ZNF248: variants seen among roughly 807,000 people sequenced by gnomAD.
The protein encoded by ZNF248 is zinc finger protein 248, also known as KRAB protein domain.
Under a neutral mutation model 44.3 loss-of-function variants are expected in ZNF248, and 20 were observed. The observed-to-expected ratio is 0.45, with a 90% CI of 0.32 to 0.66. ZNF248 has a LOEUF of 0.66. Among genes scored for constraint, ZNF248 ranks in the 30% least tolerant of loss-of-function variants. ZNF248 has a pLI of 0.04. For synonymous variants in ZNF248, 224 were observed against 229.0 expected (o/e 0.98, Z 0.20); for missense variants, 654 against 677.0 (o/e 0.97, Z 0.38).
chr10:37,849,300 G>A (rs1033054905), intron 3 of ZNF248, among the ~76,000 whole-genome samples: 3 of 149,982 alleles, frequency 2.0e-5, no homozygotes, highest in Non-Finnish European at 4.4e-5. Context: ...GTGAGATCCT[G>A]TCTTTAAAGA....
chr10:37,792,296 C>G (rs2048653729), intron 6 of ZNF248, among the ~76,000 whole-genome samples: 1 of 152,066 alleles, frequency 6.6e-6, no homozygotes, highest in Non-Finnish European at 1.5e-5. Flanking sequence ...GTGGCCAAAG[C>G]TGAAACAAAC....
chr10:37,817,890 T>C (rs1478977773), intron 6 of ZNF248, among the ~76,000 whole-genome samples: 1 of 151,986 alleles, frequency 6.6e-6, no homozygotes, highest in East Asian at 1.9e-4. Flanking sequence ...TAGCCTAGTC[T>C]GTATTTTCTT....
intron 3 of ZNF248, among the ~76,000 whole-genome samples, chr10:37,851,567 GT>G (rs2060226696): frequency 6.6e-6 from 1 of 151,590 alleles, no homozygotes; most frequent in Admixed American, 6.6e-5. Flanking sequence ...AAACATACTT[GT>G]TAATAAACTT....
intron 6 of ZNF248, among the ~76,000 whole-genome samples, chr10:37,789,997 C>T (rs1564470338): frequency 6.6e-6 from 1 of 151,832 alleles, no homozygotes; most frequent in Non-Finnish European, 1.5e-5. Flanking sequence ...CGCCATGGCT[C>T]ATGCCTGTAA....
At chr10:37,786,865 G>A (rs2047928592) in intron 6 of ZNF248, among the ~76,000 whole-genome samples, 1 of 152,102 alleles carries the variant, frequency 6.6e-6, no homozygotes, top group South Asian at 2.1e-4. Flanking sequence ...TTTTAATTTT[G>A]TTGATGTCCA....
chr10:37,780,688 C>T (rs1006875311), intron 6 of ZNF248, among the ~76,000 whole-genome samples: 7 of 152,164 alleles, frequency 4.6e-5, no homozygotes, highest in Admixed American at 2.6e-4. Context: ...GGCGCGCACC[C>T]CGCGCGGGGC....
intron 6 of ZNF248, among the ~76,000 whole-genome samples, chr10:37,800,192 G>C (rs1161876127): frequency 6.6e-6 from 1 of 152,072 alleles, no homozygotes; most frequent in African/African-American, 2.4e-5. Context: ...ATGAAGATTT[G>C]GTTTACAGAT....
At chr10:37,821,623 C>CAAAGAAAGCA (rs1235080937) in intron 6 of ZNF248, among the ~76,000 whole-genome samples, 3 of 152,170 alleles carry the variant, frequency 2.0e-5, no homozygotes, top group African/African-American at 7.2e-5. Flanking sequence ...GAGCTTTCCT[C>CAAAGAAAGCA]AAAGAAAGCA....
chr10:37,780,826 C>T (rs2047215518), intron 6 of ZNF248, among the ~76,000 whole-genome samples: 4 of 152,204 alleles, frequency 2.6e-5, no homozygotes, highest in Admixed American at 2.6e-4. Context: ...ACCTCCTCAG[C>T]TCGCCTGCTT....
At chr10:37,760,631 C>A in the ZNF248 span, among the ~76,000 whole-genome samples, 3 of 152,106 alleles carry the variant, frequency 2.0e-5, no homozygotes, top group African/African-American at 7.2e-5. Flanking sequence ...GTCAGCAGCT[C>A]GAGACAAGCC....
At chr10:37,780,063 T>C (rs938558174) in intron 6 of ZNF248, among the ~76,000 whole-genome samples, 1 of 149,958 alleles carries the variant, frequency 6.7e-6, no homozygotes, top group African/African-American at 2.4e-5. Flanking sequence ...GTAGGAAGAA[T>C]CAATATTGTG....
At chr10:37,834,402 T>C (rs1035768234) in intron 5 of ZNF248, among the ~76,000 whole-genome samples, 1 of 152,116 alleles carries the variant, frequency 6.6e-6, no homozygotes. Context: ...CTGCACCTGA[T>C]CAGCTATAAT....
At chr10:37,841,960 G>A (rs1438690748) in intron 3 of ZNF248, among the ~76,000 whole-genome samples, 1 of 152,148 alleles carries the variant, frequency 6.6e-6, no homozygotes, top group Non-Finnish European at 1.5e-5. Flanking sequence ...AGCCTAAGGA[G>A]ACATGATGAC....
At chr10:37,790,270 CAAAAA>C (rs35082361) in intron 6 of ZNF248, among the ~76,000 whole-genome samples, 11 of 90,990 alleles carry the variant, frequency 1.2e-4, no homozygotes, top group Non-Finnish European at 2.2e-4. Flanking sequence ...GACTCTGTGT[CAAAAA>C]AAAAAAAAAA....
chr10:37,831,172 T>A lies in ZNF248; in HGVS notation c.*443A>T, dbSNP rs1245144819. The A allele has an allele frequency of 6.5e-7, 1 of 1,529,240 alleles. No homozygotes were observed. The highest frequency in any genetic ancestry group is 1.4e-5 in the African/African-American group (1 of 72,240). The allele number at this position is 1,529,240 out of a possible 1,614,324, so 94.7% of individuals were successfully genotyped here. On this transcript the variant is annotated 3_prime_UTR_variant, in exon 6 of 6. Coordinates refer to ENST00000395867, the MANE Select transcript of ZNF248 (RefSeq NM_021045.3). Reference sequence around the variant, plus strand: ...AAGGGTACGTATCTTCTCCTTATGATCATGTTGAGTTCCAATATACAAATC... The same window carrying A: ...AAGGGTACGTATCTTCTCCTTATGAACATGTTGAGTTCCAATATACAAATC...
chr10:37,815,839 T>C (rs1470370238), intron 6 of ZNF248, among the ~76,000 whole-genome samples: 2 of 152,076 alleles, frequency 1.3e-5, no homozygotes, highest in African/African-American at 4.8e-5. Context: ...GGTGTCTGCA[T>C]ATGAAAGATT....
intron 6 of ZNF248, among the ~76,000 whole-genome samples, chr10:37,806,275 A>G (rs943252728): frequency 1.3e-5 from 2 of 152,234 alleles, no homozygotes; most frequent in Non-Finnish European, 2.9e-5. Flanking sequence ...AGCAACTGCC[A>G]TAATAGCTGC....
At chr10:37,803,224 G>GT (rs1205080183) in intron 6 of ZNF248, 6 of 152,162 alleles carry the variant, frequency 3.9e-5, no homozygotes, top group African/African-American at 1.4e-4. Context: ...ACTGTCACTT[G>GT]ATTTTTGTAA....
At chr10:37,837,425 TA>T (rs2057450264) in intron 5 of ZNF248, among the ~76,000 whole-genome samples, 191 bp downstream of exon 5, 1 of 152,158 alleles carries the variant, frequency 6.6e-6, no homozygotes, top group African/African-American at 2.4e-5. Context: ...GAAAAGCATT[TA>T]TGAGTGAGAA....
Sources: allele counts gnomAD v4.1 joint callset (sites outside exome capture counted in the v4.1 genomes callset), GRCh38; gene constraint gnomAD v4.1.1; transcripts MANE v1.5; gene names NCBI Gene and HGNC (gene_info 2026-07-23, HGNC 2026-07-21).